ARHGAP10: variants seen among roughly 807,000 people sequenced by gnomAD.
ARHGAP10 encodes rho GTPase-activating protein 10.
A neutral mutation model predicts 108.6 loss-of-function variants in ARHGAP10; 87 were observed. That is an observed-to-expected ratio of 0.80 (90% confidence interval 0.67 to 0.96). The LOEUF (loss-of-function observed/expected upper bound fraction) is 0.96. Among genes scored for constraint, ARHGAP10 ranks in the 40% least tolerant of loss-of-function variants. The pLI is 0.00. For synonymous variants in ARHGAP10, 347 were observed against 341.1 expected (o/e 1.02, Z -0.19); for missense variants, 939 against 954.5 (o/e 0.98, Z 0.21).
rs1737936287 is a variant in ARHGAP10 at position 147,936,355 on chromosome 4, T to C, written c.1229-3470T>C. 3.5e-5 allele frequency among the ~76,000 whole-genome samples: 4 copies of C among 114,992 alleles called. No homozygotes were observed. The South Asian group carries it at 1.4e-3, about 39-fold the overall frequency. 75.4% of individuals were successfully genotyped at this position (114,992 alleles called of 152,430 possible). A position where few individuals can be genotyped will look rare whatever the true frequency, so the allele number is the denominator to read the frequency against. On this transcript the variant is annotated intron_variant, in intron 13 of 22. Transcript: ENST00000336498. ...TTTTTTTTTTGAGATGGAGTCTTGCTCTGTCGCCCAGGCTGGACTGCGGAC... is the reference window on the plus strand; with the variant it reads ...TTTTTTTTTTGAGATGGAGTCTTGCCCTGTCGCCCAGGCTGGACTGCGGAC...
At chr4:147,839,008 CTT>C (rs1480772966) in intron 3 of ARHGAP10, among the ~76,000 whole-genome samples, 3 of 152,154 alleles carry the variant, frequency 2.0e-5, no homozygotes, top group Non-Finnish European at 4.4e-5. Flanking sequence ...TTAGAAGACT[CTT>C]AAGAACTCTT....
At chr4:147,924,988 A>G (rs1211259276) in intron 13 of ARHGAP10, among the ~76,000 whole-genome samples, 1 of 150,346 alleles carries the variant, frequency 6.7e-6, no homozygotes, top group Admixed American at 6.6e-5. Flanking sequence ...TTTTTTTAAA[A>G]TAGCAATTTA....
intron 3 of ARHGAP10, among the ~76,000 whole-genome samples, chr4:147,834,175 C>T (rs1418021816): frequency 3.9e-5 from 6 of 152,118 alleles, no homozygotes; most frequent in Admixed American, 3.9e-4. Flanking sequence ...CCCATTAATC[C>T]ATTAACTCAT....
At chr4:147,962,824 G>A (rs1739051424) in intron 16 of ARHGAP10, among the ~76,000 whole-genome samples, 1 of 151,986 alleles carries the variant, frequency 6.6e-6, no homozygotes, top group Non-Finnish European at 1.5e-5. Context: ...CCACCACACT[G>A]GCTAATTTTT....
chr4:147,906,845 C>A, intron 11 of ARHGAP10, 126 bp downstream of exon 11: 1 of 1,097,118 alleles, frequency 9.1e-7, no homozygotes, highest in Non-Finnish European at 1.3e-6. Flanking sequence ...CAAAAATCAT[C>A]GTGGAAGCAT....
At chr4:148,016,883 A>G (rs1470681764) in intron 18 of ARHGAP10, among the ~76,000 whole-genome samples, 1 of 151,510 alleles carries the variant, frequency 6.6e-6, no homozygotes, top group African/African-American at 2.4e-5. Flanking sequence ...CTGATTTGTT[A>G]TAAGGGACAT....
rs1731689323 is a variant in ARHGAP10, at chr4:147,804,164, C to T, written c.155-18563C>T. 3.3e-5 allele frequency among the ~76,000 whole-genome samples: 5 copies of T among 152,022 alleles called. No individual in the cohort carries two copies. The South Asian group carries it at 1.0e-3, about 32-fold the overall frequency. The stretch of plus-strand genomic sequence containing the variant: ...TCCTCACCCTCCTCCTACCCTCCAC[C>T]CTCAAGTAGCCCCCCAGGTCTGTTG... On this transcript the variant is annotated intron_variant, in intron 1 of 22. Transcript: ENST00000336498.
chr4:147,809,644 A>G (rs1210965460), intron 1 of ARHGAP10, among the ~76,000 whole-genome samples: 2 of 152,160 alleles, frequency 1.3e-5, no homozygotes, highest in Admixed American at 6.5e-5. Context: ...TCATTGCACT[A>G]TACTGTACAC....
chr4:147,824,758 A>G (rs1301713230), intron 3 of ARHGAP10, among the ~76,000 whole-genome samples: 7 of 151,832 alleles, frequency 4.6e-5, no homozygotes, highest in African/African-American at 7.3e-5. Context: ...CCATGATCCA[A>G]TTACCTCCAC....
intron 19 of ARHGAP10, among the ~76,000 whole-genome samples, chr4:148,045,756 A>AAAG (rs1422218000): frequency 1.3e-5 from 2 of 151,640 alleles, no homozygotes; most frequent in African/African-American, 4.8e-5. Context: ...AAAAAAAAAA[A>AAAG]AAAAAAAAAG....
intron 18 of ARHGAP10, among the ~76,000 whole-genome samples, chr4:147,990,738 C>A (rs1578765920): frequency 6.6e-6 from 1 of 152,134 alleles, no homozygotes; most frequent in East Asian, 1.9e-4. Context: ...CATAGGGACA[C>A]AAAAAGGGAA....
chr4:147,927,734 T>G (rs11934409), intron 13 of ARHGAP10, among the ~76,000 whole-genome samples: 24,884 of 152,008 alleles, frequency 0.16, 4,696 homozygotes, highest in African/African-American at 0.45. Context: ...GTGCAACTTA[T>G]TGGTGATAGG....
intron 10 of ARHGAP10, among the ~76,000 whole-genome samples, chr4:147,903,504 T>C (rs183082183): frequency 6.6e-6 from 1 of 152,330 alleles, no homozygotes; most frequent in Admixed American, 6.5e-5. Flanking sequence ...GGGCTCACTC[T>C]TGGATTGTAC....
chr4:148,032,562 T>C (rs901424818), intron 19 of ARHGAP10, among the ~76,000 whole-genome samples: 1 of 152,064 alleles, frequency 6.6e-6, no homozygotes, highest in Non-Finnish European at 1.5e-5. Context: ...TAGAATTCTT[T>C]ATTTTTATAT....
chr4:147,783,538 T>G (rs189566626), intron 1 of ARHGAP10, among the ~76,000 whole-genome samples: 1 of 145,240 alleles, frequency 6.9e-6, no homozygotes, highest in Non-Finnish European at 1.5e-5. Flanking sequence ...AAATTATGTA[T>G]TGTATAATTT....
chr4:147,957,163 A>G (rs1439739436), intron 16 of ARHGAP10, among the ~76,000 whole-genome samples: 1 of 152,194 alleles, frequency 6.6e-6, no homozygotes, highest in Non-Finnish European at 1.5e-5. Context: ...TACTGTTTCT[A>G]CTGTAATCAT....
intron 18 of ARHGAP10, among the ~76,000 whole-genome samples, chr4:148,012,265 C>G (rs1476094242): frequency 6.6e-6 from 1 of 152,228 alleles, no homozygotes; most frequent in African/African-American, 2.4e-5. Flanking sequence ...AACTCTCCCC[C>G]TGTGCTTTTG....
chr4:148,031,578 T>G (rs1233056169), intron 19 of ARHGAP10, among the ~76,000 whole-genome samples: 1 of 152,148 alleles, frequency 6.6e-6, no homozygotes, highest in Non-Finnish European at 1.5e-5. Context: ...TTCCCTGGAG[T>G]CAACAGACAT....
intron 16 of ARHGAP10, among the ~76,000 whole-genome samples, chr4:147,955,951 G>T (rs890639566): frequency 3.9e-5 from 6 of 152,192 alleles, no homozygotes; most frequent in Middle Eastern, 3.4e-3. Flanking sequence ...TGAATTTTTT[G>T]TGAGTCATAC....
Sources: gnomAD v4.1 joint callset for allele counts (sites outside exome capture counted in the v4.1 genomes callset) on GRCh38, gnomAD v4.1.1 for gene constraint, MANE v1.5 for transcripts, NCBI Gene and HGNC (gene_info 2026-07-23, HGNC 2026-07-21) for gene names.